CTIF: variants seen among roughly 807,000 people sequenced by gnomAD.
The protein encoded by CTIF is CBP80/20-dependent translation initiation factor.
CTIF carries 21 observed loss-of-function variants against 66.0 expected under a neutral mutation model. That is an observed-to-expected ratio of 0.32 (90% CI 0.23 to 0.46). CTIF has a LOEUF of 0.46. Among genes scored for constraint, CTIF ranks in the 20% least tolerant of loss-of-function variants. The pLI is 1.00. For missense variants in CTIF, 739 were observed against 812.7 expected (o/e 0.91, Z 1.10); for synonymous variants, 345 against 326.4 (o/e 1.06, Z -0.62).
In CTIF at chr18:48,634,659, C is replaced by G. The variant is rs73443378; in HGVS notation, c.181-1955C>G. ...GGAGAAATGCCCTCTTCCTGTCTCCCATTGGCCAAGCCCAGCCAGAAGCCA... is the reference window on the plus strand; with the variant it reads ...GGAGAAATGCCCTCTTCCTGTCTCCGATTGGCCAAGCCCAGCCAGAAGCCA... On this transcript the variant is annotated intron_variant, in intron 2 of 11. Coordinates refer to ENST00000256413, the MANE Select transcript of CTIF (RefSeq NM_014772.3). Among the ~76,000 whole-genome samples, 997 of 152,344 alleles carry G rather than the reference C, an allele frequency of 6.5e-3. 10 individuals carry two copies. The highest frequency in any genetic ancestry group is 0.02 in the African/African-American group (820 of 41,572).
intron 1 of CTIF, among the ~76,000 whole-genome samples, chr18:48,556,810 C>G (rs987260021): frequency 6.6e-6 from 1 of 152,162 alleles, no homozygotes. Context: ...GGTGATCCAC[C>G]TGCCTTGGCC....
At chr18:48,594,972 C>T (rs1198167506) in intron 1 of CTIF, among the ~76,000 whole-genome samples, 3 of 152,194 alleles carry the variant, frequency 2.0e-5, no homozygotes, top group Non-Finnish European at 2.9e-5. Flanking sequence ...CTCCAGTCTG[C>T]CAAGAGGGAG....
At chr18:48,727,266 G>A (rs1228155935) in intron 7 of CTIF, among the ~76,000 whole-genome samples, 1 of 152,202 alleles carries the variant, frequency 6.6e-6, no homozygotes, top group Non-Finnish European at 1.5e-5. Flanking sequence ...ACTCAGTTCT[G>A]TTCCTGCCCA....
intron 3 of CTIF, among the ~76,000 whole-genome samples, chr18:48,648,513 A>G (rs1198662976): frequency 1.3e-5 from 2 of 151,754 alleles, no homozygotes; most frequent in African/African-American, 4.8e-5. Context: ...AAACACACAC[A>G]TGGTGTTGCC....
chr18:48,561,663 T>A (rs1316979040), intron 1 of CTIF, among the ~76,000 whole-genome samples: 1 of 152,206 alleles, frequency 6.6e-6, no homozygotes, highest in Non-Finnish European at 1.5e-5. Flanking sequence ...TTTCTCAGGG[T>A]GTCCTTGTCC....
intron 1 of CTIF, among the ~76,000 whole-genome samples, chr18:48,611,137 C>T (rs1260797880): frequency 6.6e-6 from 1 of 152,228 alleles, no homozygotes; most frequent in Non-Finnish European, 1.5e-5. Flanking sequence ...CCTTCAGCCC[C>T]CAAGGTCCCA....
chr18:48,741,862 C>T (rs1212010722), intron 7 of CTIF, among the ~76,000 whole-genome samples: 1 of 152,178 alleles, frequency 6.6e-6, no homozygotes, highest in Non-Finnish European at 1.5e-5. Flanking sequence ...AAGAAGGGAG[C>T]ACAGGGCGCC....
intron 10 of CTIF, among the ~76,000 whole-genome samples, chr18:48,845,779 G>A (rs919646625): frequency 3.3e-5 from 5 of 152,102 alleles, no homozygotes; most frequent in Non-Finnish European, 7.3e-5. Context: ...CAATATTGTT[G>A]ATGGCATCAT....
chr18:48,729,334 C>CTA (rs1267501877), intron 7 of CTIF, among the ~76,000 whole-genome samples: 1 of 152,172 alleles, frequency 6.6e-6, no homozygotes, highest in African/African-American at 2.4e-5. Context: ...CCCTTAAACT[C>CTA]TATAATCTCA....
At chr18:48,575,468 C>T (rs1015730844) in intron 1 of CTIF, among the ~76,000 whole-genome samples, 11 of 152,212 alleles carry the variant, frequency 7.2e-5, no homozygotes, top group Admixed American at 4.6e-4. Flanking sequence ...GATTAATTTT[C>T]GATTTTCTTT....
intron 7 of CTIF, among the ~76,000 whole-genome samples, chr18:48,732,290 C>T (rs1231142818): frequency 6.6e-6 from 1 of 152,172 alleles, no homozygotes; most frequent in Non-Finnish European, 1.5e-5. Context: ...GCCAGTGATG[C>T]CTCAGGGGTA....
At chr18:48,644,610 C>T (rs1047026212) in intron 3 of CTIF, among the ~76,000 whole-genome samples, 1 of 152,208 alleles carries the variant, frequency 6.6e-6, no homozygotes, top group African/African-American at 2.4e-5. Context: ...CAACTAGCTC[C>T]TATAGGGAGA....
At chr18:48,784,910 CA>C (rs1911569579) in intron 9 of CTIF, among the ~76,000 whole-genome samples, 1 of 152,232 alleles carries the variant, frequency 6.6e-6, no homozygotes, top group Non-Finnish European at 1.5e-5. Flanking sequence ...CCCTCGCTGT[CA>C]TCCACACTCC....
At chr18:48,637,069 T>C (rs1344992942) in intron 3 of CTIF, among the ~76,000 whole-genome samples, 2 of 152,174 alleles carry the variant, frequency 1.3e-5, no homozygotes, top group Admixed American at 6.5e-5. Flanking sequence ...CCACAAACAA[T>C]GGGACTCGGC....
chr18:48,808,029 G>A (rs9950489), intron 9 of CTIF, among the ~76,000 whole-genome samples: 37,994 of 151,910 alleles, frequency 0.25, 5,543 homozygotes, highest in African/African-American at 0.4. Context: ...ATTACCAGAA[G>A]TGCAACTACC....
intron 10 of CTIF, among the ~76,000 whole-genome samples, chr18:48,846,042 A>G (rs1321036732): frequency 6.6e-6 from 1 of 152,226 alleles, no homozygotes; most frequent in East Asian, 1.9e-4. Context: ...TACAGGTATT[A>G]CTATGCTACT....
intron 7 of CTIF, among the ~76,000 whole-genome samples, chr18:48,716,159 T>A (rs1320492888): frequency 6.6e-6 from 1 of 152,176 alleles, no homozygotes; most frequent in African/African-American, 2.4e-5. Context: ...CTACTGGGAT[T>A]GGTTGGGCTG....
rs957618403 is a variant in CTIF at position 48,860,198 on chromosome 18, G to T, written c.*639G>T. Reference sequence around the variant, plus strand: ...GCCCCCACAGCCTCAGGCCTAGGGGGTCAGGCGCAGCGGGGGAGATGGAGT... The same window carrying T: ...GCCCCCACAGCCTCAGGCCTAGGGGTTCAGGCGCAGCGGGGGAGATGGAGT... On this transcript the variant is annotated 3_prime_UTR_variant, in exon 12 of 12. Coordinates refer to ENST00000256413, the MANE Select transcript of CTIF (RefSeq NM_014772.3). 2.1e-5 allele frequency: 7 copies of T among 340,890 alleles called. No homozygotes were observed. Among genetic ancestry groups the T allele is most frequent in the Non-Finnish European group, 4.1e-5 (7 of 171,038 alleles). The allele number at this position is 340,890 out of a possible 1,614,324, so 21.1% of individuals were successfully genotyped here.
intron 2 of CTIF, among the ~76,000 whole-genome samples, chr18:48,630,139 A>G (rs1244940475): frequency 1.3e-5 from 2 of 152,296 alleles, no homozygotes; most frequent in East Asian, 3.9e-4. Context: ...CCCTTTGTCC[A>G]GCGTTTCTAG....
Sources: allele counts gnomAD v4.1 joint callset (sites outside exome capture counted in the v4.1 genomes callset), GRCh38; gene constraint gnomAD v4.1.1; transcripts MANE v1.5; gene names NCBI Gene and HGNC (gene_info 2026-07-23, HGNC 2026-07-21).